RTF1: variants seen among roughly 807,000 people sequenced by gnomAD.
RTF1 encodes the protein RNA polymerase-associated protein RTF1 homolog.
In RTF1, 10 loss-of-function variants were observed where a neutral mutation model predicts 95.7. The observed-to-expected ratio is 0.10, with a 90% confidence interval of 0.06 to 0.18. The LOEUF (loss-of-function observed/expected upper bound fraction) is 0.18. RTF1 is among the 10% of genes least tolerant of loss of function. The pLI is 1.00. For synonymous variants in RTF1, 305 were observed against 311.8 expected, an observed-to-expected ratio of 0.98 and a Z score of 0.23; for missense variants, 458 against 875.6, an observed-to-expected ratio of 0.52 and a Z score of 6.02.
rs16971832 is a variant in RTF1 at position 41,471,721 on chromosome 15, C to A, written c.1203+372C>A. On this transcript the variant is annotated intron_variant, in intron 8 of 17. Coordinates refer to ENST00000389629, the MANE Select transcript of RTF1 (RefSeq NM_015138.5). The stretch of plus-strand genomic sequence containing the variant: ...TGTTGCATACCAAGTGACTTCTACA[C>A]CAGGGAATTGTATTGAGGTTAAAAA... Among the ~76,000 whole-genome samples, 220 of 151,976 alleles carry A rather than the reference C, an allele frequency of 1.4e-3. 3 individuals are homozygous for A. The East Asian group carries it at 0.033, about 23-fold the overall frequency.
At chr15:41,427,901 C>T (rs922483931) in intron 1 of RTF1, among the ~76,000 whole-genome samples, 4 of 151,850 alleles carry the variant, frequency 2.6e-5, no homozygotes, top group East Asian at 1.9e-4. Context: ...ATTCTCCTGT[C>T]TTAGCTTCCC....
intron 4 of RTF1, among the ~76,000 whole-genome samples, chr15:41,462,759 A>ATTG (rs150245977): frequency 7.1e-4 from 108 of 151,910 alleles, no homozygotes; most frequent in African/African-American, 2.6e-3. Flanking sequence ...GTTTATTATT[A>ATTG]TTGTTGTTGT....
intron 13 of RTF1, 69 bp from the exon 14 acceptor site, chr15:41,477,389 A>T (rs372296670): frequency 4.0e-5 from 65 of 1,612,282 alleles, no homozygotes; most frequent in Non-Finnish European, 5.4e-5. Flanking sequence ...TAGATATCTG[A>T]GTTCAGGGCT....
chr15:41,477,385 T>G, intron 13 of RTF1, 73 bp from the exon 14 acceptor site: 1 of 1,612,460 alleles, frequency 6.2e-7, no homozygotes, highest in Non-Finnish European at 8.5e-7. Flanking sequence ...CCCATAGATA[T>G]CTGAGTTCAG....
rs192416467 is a variant in RTF1 at position 41,473,038 on chromosome 15, G to T, written c.1204-1582G>T. On this transcript the variant is annotated intron_variant, in intron 8 of 17. Coordinates refer to ENST00000389629, the MANE Select transcript of RTF1 (RefSeq NM_015138.5). Reference sequence around the variant, plus strand: ...TTAAAAAAAAATTTTTGTAGCAACAGCCTCTCTCTGTTTCTTATGCTGGTC... The same window carrying T: ...TTAAAAAAAAATTTTTGTAGCAACATCCTCTCTCTGTTTCTTATGCTGGTC... Among the ~76,000 whole-genome samples, 546 of 152,136 alleles carry T rather than the reference G, an allele frequency of 3.6e-3. 3 individuals carry two copies. The highest frequency in any genetic ancestry group is 0.012 in the African/African-American group (507 of 41,508).
chr15:41,478,705 A>C (rs2050954872), intron 15 of RTF1, 80 bp downstream of exon 15: 1 of 1,211,926 alleles, frequency 8.3e-7, no homozygotes, highest in African/African-American at 1.5e-5. Context: ...ATTAATAATG[A>C]AGTTAAAAAT....
At chr15:41,439,441 A>G (rs1334269003) in intron 2 of RTF1, among the ~76,000 whole-genome samples, 2 of 152,126 alleles carry the variant, frequency 1.3e-5, no homozygotes, top group African/African-American at 4.8e-5. Context: ...GAGAAAAGAA[A>G]CTTTGGGAAG....
intron 1 of RTF1, among the ~76,000 whole-genome samples, chr15:41,426,330 G>T (rs969510266): frequency 2.0e-5 from 3 of 150,742 alleles, no homozygotes; most frequent in African/African-American, 7.3e-5. Flanking sequence ...TTTTGGGATA[G>T]AGTCTCGCTC....
chr15:41,477,790 C>G (rs116735248), intron 14 of RTF1, among the ~76,000 whole-genome samples: 2,317 of 152,282 alleles, frequency 0.015, 58 homozygotes, highest in African/African-American at 0.053. Flanking sequence ...TCCCCCATAT[C>G]TACTCTGGTA....
chr15:41,463,178 G>A (rs1225906999), intron 4 of RTF1, among the ~76,000 whole-genome samples: 1 of 152,138 alleles, frequency 6.6e-6, no homozygotes, highest in East Asian at 1.9e-4. Context: ...TTATGTCTGA[G>A]TAATATTCCA....
At position 41,480,343 on chromosome 15, in the gene RTF1, G is replaced by A. The variant is rs367744241; in HGVS notation, c.2026+18G>A. 2.6e-6 allele frequency: 4 copies of A among 1,514,750 alleles called. No homozygotes were observed. Among genetic ancestry groups the A allele is most frequent in the African/African-American group, 1.4e-5 (1 of 72,930 alleles). 93.8% of individuals were successfully genotyped at this position (1,514,750 alleles called of 1,614,324 possible). On this transcript the variant is annotated intron_variant, in intron 17 of 17. Transcript: ENST00000389629. ...CAGCTCAGGTATGTGAGGGTGGGGC[G>A]GGTGGTGAGGGCTGAGAACCAGATG...
intron 4 of RTF1, among the ~76,000 whole-genome samples, chr15:41,460,321 C>T (rs1264168250): frequency 6.6e-6 from 1 of 151,940 alleles, no homozygotes; most frequent in Non-Finnish European, 1.5e-5. Context: ...CAGGGTTTCA[C>T]CATGTTGGCC....
intron 6 of RTF1, among the ~76,000 whole-genome samples, chr15:41,469,804 C>T (rs569650758): frequency 1.3e-5 from 2 of 152,230 alleles, no homozygotes; most frequent in East Asian, 1.9e-4. Flanking sequence ...AGATTACAGG[C>T]GTAAGCCACC....
chr15:41,457,898 T>TGGGGGGG, intron 4 of RTF1, 22 bp downstream of exon 4: 1 of 1,505,768 alleles, frequency 6.6e-7, no homozygotes, highest in East Asian at 2.4e-5. Flanking sequence ...CTCGTCGTTG[T>TGGGGGGG]CCCCCCCCCG....
intron 1 of RTF1, among the ~76,000 whole-genome samples, chr15:41,419,639 A>T (rs1183619099): frequency 6.6e-6 from 1 of 152,202 alleles, no homozygotes; most frequent in Non-Finnish European, 1.5e-5. Context: ...TTCTTGGTAA[A>T]GCACTCTCAA....
intron 7 of RTF1, 108 bp downstream of exon 7, chr15:41,470,500 G>C: frequency 8.6e-7 from 1 of 1,164,180 alleles, no homozygotes; most frequent in Middle Eastern, 2.0e-4. Context: ...CTCTGACATG[G>C]TTACCTTTGG....
At chr15:41,418,013 A>G (rs1315118641) in intron 1 of RTF1, among the ~76,000 whole-genome samples, 1 of 152,204 alleles carries the variant, frequency 6.6e-6, no homozygotes, top group Non-Finnish European at 1.5e-5. Context: ...GGGACTGTGC[A>G]TAGCCCAGGC....
intron 3 of RTF1, among the ~76,000 whole-genome samples, chr15:41,456,488 CA>C (rs554155784): frequency 2.4e-3 from 277 of 113,542 alleles, no homozygotes; most frequent in Admixed American, 2.4e-3. Flanking sequence ...GACTCTGTCT[CA>C]AAAAAAAAAA....
chr15:41,428,227 T>C (rs1465945853), intron 1 of RTF1, among the ~76,000 whole-genome samples: 1 of 150,220 alleles, frequency 6.7e-6, no homozygotes, highest in Non-Finnish European at 1.5e-5. Flanking sequence ...GGGTTCTTGT[T>C]CCAACCCCTC....
Sources: allele counts gnomAD v4.1 joint callset (sites outside exome capture counted in the v4.1 genomes callset), GRCh38; gene constraint gnomAD v4.1.1; transcripts MANE v1.5; gene names NCBI Gene and HGNC (gene_info 2026-07-23, HGNC 2026-07-21).